SDK1: variants seen among roughly 807,000 people sequenced by gnomAD.
SDK1 encodes protein sidekick-1.
SDK1 carries 157 observed loss-of-function variants against 245.5 expected under a neutral mutation model. The ratio of observed to expected loss-of-function variants is 0.64; its 90% CI spans 0.56 to 0.73. The LOEUF (loss-of-function observed/expected upper bound fraction) is 0.73, where lower values mean the gene tolerates loss of function less well. Among genes scored for constraint, SDK1 ranks in the 30% least tolerant of loss-of-function variants. SDK1 has a pLI of 0.00. For missense variants in SDK1, 3,583 were observed against 3,002.3 expected, an observed-to-expected ratio of 1.19 and a Z score of -4.52; for synonymous variants, 1,647 against 1,278.5, an observed-to-expected ratio of 1.29 and a Z score of -6.15.
chr7:3,970,964 G>A (rs946283855), intron 11 of SDK1, among the ~76,000 whole-genome samples: 11 of 152,292 alleles, frequency 7.2e-5, no homozygotes, highest in Admixed American at 1.3e-4. Flanking sequence ...TGGCTTGGGG[G>A]AGGTGGGCAA....
intron 1 of SDK1, among the ~76,000 whole-genome samples, chr7:3,590,256 G>T (rs1013790518): frequency 2.2e-5 from 3 of 135,656 alleles, no homozygotes; most frequent in African/African-American, 8.0e-5. Flanking sequence ...TGGATTTGAT[G>T]TAAAGAAATG....
At chr7:3,518,787 A>C (rs1782833366) in intron 1 of SDK1, among the ~76,000 whole-genome samples, 1 of 152,130 alleles carries the variant, frequency 6.6e-6, no homozygotes, top group African/African-American at 2.4e-5. Flanking sequence ...CAGCAATCCC[A>C]CTACTGGGCA....
chr7:3,811,433 A>T (rs1188776850), intron 4 of SDK1, among the ~76,000 whole-genome samples: 1 of 152,176 alleles, frequency 6.6e-6, no homozygotes, highest in African/African-American at 2.4e-5. Context: ...AGACCACATT[A>T]GATTTTAACT....
chr7:4,132,102 G>C (rs991936265), intron 27 of SDK1, among the ~76,000 whole-genome samples: 2 of 152,152 alleles, frequency 1.3e-5, no homozygotes, highest in African/African-American at 2.4e-5. Flanking sequence ...GAAAGCAGAC[G>C]GGCAGGGTTT....
intron 40 of SDK1, among the ~76,000 whole-genome samples, chr7:4,225,371 A>G (rs996454257): frequency 7.2e-5 from 11 of 152,226 alleles, no homozygotes; most frequent in Non-Finnish European, 1.3e-4. Context: ...CTGCTCGGAC[A>G]AGCACACCAA....
intron 8 of SDK1, among the ~76,000 whole-genome samples, chr7:3,960,070 C>T (rs75412328): frequency 0.02 from 3,056 of 152,328 alleles, 101 homozygotes; most frequent in African/African-American, 0.069. Flanking sequence ...TTTTCTCCTA[C>T]TCCCTAAGAG....
chr7:3,950,295 G>T (rs1379857023), intron 5 of SDK1, among the ~76,000 whole-genome samples: 1 of 152,140 alleles, frequency 6.6e-6, no homozygotes, highest in African/African-American at 2.4e-5. Context: ...TCAGGTAGGG[G>T]CCATGAAATT....
chr7:3,449,850 C>T (rs1333914671), intron 1 of SDK1, among the ~76,000 whole-genome samples: 1 of 152,188 alleles, frequency 6.6e-6, no homozygotes, highest in African/African-American at 2.4e-5. Context: ...CTTTGCCCTC[C>T]TATAGCTTAG....
chr7:3,615,816 A>G (rs1181599807), intron 1 of SDK1, among the ~76,000 whole-genome samples: 1 of 144,278 alleles, frequency 6.9e-6, no homozygotes, highest in African/African-American at 2.5e-5. Flanking sequence ...TCCTTCTCAC[A>G]TTACAGCCAG....
intron 14 of SDK1, among the ~76,000 whole-genome samples, chr7:3,988,737 GC>G (rs1562627576): frequency 6.6e-6 from 1 of 152,048 alleles, no homozygotes; most frequent in African/African-American, 2.4e-5. Context: ...CCACAAAGAA[GC>G]TCTCCAGCAC....
chr7:3,447,429 CACTT>C (rs1333869323), intron 1 of SDK1, among the ~76,000 whole-genome samples: 8 of 152,180 alleles, frequency 5.3e-5, no homozygotes, highest in South Asian at 2.1e-4. Flanking sequence ...CACACACACT[CACTT>C]ACTCTTCACA....
chr7:3,553,157 C>G (rs1037512979), intron 1 of SDK1, among the ~76,000 whole-genome samples: 2 of 151,898 alleles, frequency 1.3e-5, no homozygotes, highest in African/African-American at 4.8e-5. Context: ...TTATATTGTA[C>G]AACAATAGCT....
At chr7:3,623,077 C>T (rs1781994262) in intron 2 of SDK1, among the ~76,000 whole-genome samples, 2 of 151,944 alleles carry the variant, frequency 1.3e-5, no homozygotes, top group South Asian at 4.2e-4. Flanking sequence ...TAGTTGTTTC[C>T]CACCTTAACA....
At chr7:4,236,141 G>A (rs1268147555) in intron 41 of SDK1, among the ~76,000 whole-genome samples, 2 of 152,212 alleles carry the variant, frequency 1.3e-5, no homozygotes, top group Non-Finnish European at 2.9e-5. Flanking sequence ...TGAGATATAG[G>A]ATAGAAGCTT....
intron 4 of SDK1, among the ~76,000 whole-genome samples, chr7:3,784,987 C>G (rs996042677): frequency 6.6e-6 from 1 of 152,140 alleles, no homozygotes; most frequent in African/African-American, 2.4e-5. Context: ...GTAAAGAAAA[C>G]GTGGTACTTA....
chr7:4,196,217 C>G (rs1163253045), intron 35 of SDK1, among the ~76,000 whole-genome samples: 1 of 152,180 alleles, frequency 6.6e-6, no homozygotes, highest in Admixed American at 6.5e-5. Flanking sequence ...TGGTGGATTC[C>G]AGGCCCTTGC....
At chr7:4,083,852 C>T (rs1463203862) in intron 22 of SDK1, among the ~76,000 whole-genome samples, 6 of 148,676 alleles carry the variant, frequency 4.0e-5, no homozygotes, top group Non-Finnish European at 8.9e-5. Context: ...TGTCTGTCTC[C>T]CTCCCTCCCT....
chr7:3,364,539 T>C (rs578071271), intron 1 of SDK1, among the ~76,000 whole-genome samples: 1 of 152,316 alleles, frequency 6.6e-6, no homozygotes, highest in Admixed American at 6.5e-5. Context: ...AAAAGCCTAT[T>C]TTTTCTCCAT....
intron 30 of SDK1, among the ~76,000 whole-genome samples, chr7:4,152,763 A>G (rs1444394089): frequency 2.6e-5 from 4 of 152,202 alleles, no homozygotes; most frequent in Non-Finnish European, 5.9e-5. Context: ...TGACAGCTAC[A>G]TTTTACTTTC....
Sources: gnomAD v4.1 joint callset for allele counts (sites outside exome capture counted in the v4.1 genomes callset) on GRCh38, gnomAD v4.1.1 for gene constraint, MANE v1.5 for transcripts, NCBI Gene and HGNC (gene_info 2026-07-23, HGNC 2026-07-21) for gene names.